KMT2C: variants seen among roughly 807,000 people sequenced by gnomAD.
KMT2C encodes the protein lysine methyltransferase 2C.
In KMT2C, 88 loss-of-function variants were observed where a neutral mutation model predicts 507.9. The ratio of observed to expected loss-of-function variants is 0.17; its 90% CI spans 0.15 to 0.21. The LOEUF (loss-of-function observed/expected upper bound fraction) is 0.21, where lower values mean the gene tolerates loss of function less well. KMT2C is among the 10% of genes least tolerant of loss of function. KMT2C has a pLI of 1.00. For synonymous variants in KMT2C, 2,049 were observed against 2,080.8 expected, an observed-to-expected ratio of 0.98 and a Z score of 0.42; for missense variants, 4,954 against 5,957.8, an observed-to-expected ratio of 0.83 and a Z score of 5.55.
At chr7:152,408,899 T>C (rs1015319211) in intron 1 of KMT2C, among the ~76,000 whole-genome samples, 1 of 152,070 alleles carries the variant, frequency 6.6e-6, no homozygotes, top group Non-Finnish European at 1.5e-5. Context: ...CTAATATGAA[T>C]TTAACTGTGA....
At chr7:152,266,643 T>G (rs546148395) in intron 7 of KMT2C, among the ~76,000 whole-genome samples, 2 of 152,306 alleles carry the variant, frequency 1.3e-5, no homozygotes, top group Non-Finnish European at 2.9e-5. Flanking sequence ...AGTAAAAATA[T>G]ATTTCTTTTA....
At chr7:152,365,268 T>C (rs964489292) in intron 1 of KMT2C, among the ~76,000 whole-genome samples, 3 of 152,206 alleles carry the variant, frequency 2.0e-5, no homozygotes, top group Non-Finnish European at 2.9e-5. Context: ...CCCAGCACTT[T>C]GGGAAGCCGA....
intron 6 of KMT2C, among the ~76,000 whole-genome samples, chr7:152,305,608 G>C (rs985551664): frequency 6.6e-6 from 1 of 151,672 alleles, no homozygotes; most frequent in South Asian, 2.1e-4. Context: ...GTGTTAAGTA[G>C]AGCAGTGACA....
chr7:152,367,295 T>C, intron 1 of KMT2C: 2 of 1,176,124 alleles, frequency 1.7e-6, no homozygotes, highest in Non-Finnish European at 2.5e-6. Flanking sequence ...CTATTCCAAG[T>C]TTCCCAGCTG....
chr7:152,188,475 A>G (rs1183647087), intron 31 of KMT2C, among the ~76,000 whole-genome samples: 1 of 152,090 alleles, frequency 6.6e-6, no homozygotes, highest in African/African-American at 2.4e-5. Context: ...ACACTAATGA[A>G]TCACAGCAAA....
chr7:152,258,394 A>C (rs1270515389), intron 9 of KMT2C, among the ~76,000 whole-genome samples: 2 of 152,238 alleles, frequency 1.3e-5, no homozygotes, highest in African/African-American at 2.4e-5. Flanking sequence ...CTTACAAAAG[A>C]AAGCAGAGGG....
At position 152,363,910 on chromosome 7, in the gene KMT2C, A is replaced by G. The variant is rs148246044; in HGVS notation, c.162-5235T>C. The stretch of plus-strand genomic sequence containing the variant: ...GAAGAACAATTCCCAGAGCTCACAG[A>G]AAGCTGCGAATCAACTGTATTGTCT... On this transcript the variant is annotated intron_variant, in intron 1 of 58. Coordinates refer to ENST00000262189, the MANE Select transcript of KMT2C (RefSeq NM_170606.3). Among the ~76,000 whole-genome samples the G allele has an allele frequency of 2.8e-4, 42 of 152,328 alleles. No homozygotes were observed. The East Asian group carries it at 7.3e-3, about 27-fold the overall frequency.
chr7:152,146,586 C>A lies in KMT2C; in HGVS notation c.14031+13G>T. The A allele has an allele frequency of 1.2e-6, 2 of 1,613,914 alleles. No individual in the cohort carries two copies. Among genetic ancestry groups the A allele is most frequent in the Non-Finnish European group, 1.7e-6 (2 of 1,179,834 alleles). On this transcript the variant is annotated intron_variant, in intron 53 of 58. Coordinates refer to ENST00000262189, the MANE Select transcript of KMT2C (RefSeq NM_170606.3). ...AAGCAATTCCAATCTCAAAGCCTGACCAAGACACTCACTGATTCCGCTATG... is the reference window on the plus strand; with the variant it reads ...AAGCAATTCCAATCTCAAAGCCTGAACAAGACACTCACTGATTCCGCTATG...
Position 152,290,888 on chromosome 7 carries a change from C to A in KMT2C, c.850-17021G>T, listed in dbSNP as rs577222822. Among the ~76,000 whole-genome samples, 379 of 151,950 alleles carry A rather than the reference C, an allele frequency of 2.5e-3. 4 individuals carry two copies. Among genetic ancestry groups the A allele is most frequent in the African/African-American group, 8.5e-3 (354 of 41,514 alleles). Reference sequence around the variant, plus strand: ...TTACAAAAATATTATCCTATATTATCTTTTTAAATATAAATAAAAATAATT... The same window carrying A: ...TTACAAAAATATTATCCTATATTATATTTTTAAATATAAATAAAAATAATT... On this transcript the variant is annotated intron_variant, in intron 6 of 58. Coordinates refer to ENST00000262189, the MANE Select transcript of KMT2C (RefSeq NM_170606.3).
intron 14 of KMT2C, among the ~76,000 whole-genome samples, chr7:152,245,708 C>T (rs2095461399): frequency 6.6e-6 from 1 of 152,078 alleles, no homozygotes; most frequent in African/African-American, 2.4e-5. Flanking sequence ...CCTAGAAAAG[C>T]TCATATAATA....
intron 1 of KMT2C, among the ~76,000 whole-genome samples, chr7:152,391,134 A>G (rs1162110119): frequency 4.0e-5 from 3 of 75,464 alleles, no homozygotes; most frequent in African/African-American, 5.5e-5. Flanking sequence ...ACAGAGTGAG[A>G]CTGTCTCCAA....
chr7:152,367,908 G>A, intron 1 of KMT2C: 1 of 1,043,716 alleles, frequency 9.6e-7, no homozygotes, highest in Non-Finnish European at 1.5e-6. Flanking sequence ...GCATGAAAAA[G>A]TGATTATCAT....
chr7:152,244,049 G>C (rs2095429949), intron 14 of KMT2C, among the ~76,000 whole-genome samples: 1 of 152,182 alleles, frequency 6.6e-6, no homozygotes, highest in Non-Finnish European at 1.5e-5. Context: ...TGCAATGAGA[G>C]AAATGGACTG....
rs141249432 is a variant in KMT2C, at chr7:152,284,259, A to T, written c.850-10392T>A. On this transcript the variant is annotated intron_variant, in intron 6 of 58. Coordinates refer to ENST00000262189, the MANE Select transcript of KMT2C (RefSeq NM_170606.3). ...ATGTTTGGTTTTGGTAAAAGGAGAGACAAATAAGTCAGAAAAACAGAAAAT... is the reference window on the plus strand; with the variant it reads ...ATGTTTGGTTTTGGTAAAAGGAGAGTCAAATAAGTCAGAAAAACAGAAAAT... Among the ~76,000 whole-genome samples the T allele has an allele frequency of 4.4e-3, 663 of 152,224 alleles. 2 individuals are homozygous for T. Among genetic ancestry groups the T allele is most frequent in the African/African-American group, 0.015 (633 of 41,578 alleles).
chr7:152,253,593 C>T lies in KMT2C; in HGVS notation c.1300-878G>A, dbSNP rs1437669106. ...CCTGTAGTCCCTGCTACTTGGGAAGCTGAGGCAGGAGAATTGCTTGAGCCT... is the reference window on the plus strand; with the variant it reads ...CCTGTAGTCCCTGCTACTTGGGAAGTTGAGGCAGGAGAATTGCTTGAGCCT... On this transcript the variant is annotated intron_variant, in intron 9 of 58. Coordinates refer to ENST00000262189, the MANE Select transcript of KMT2C (RefSeq NM_170606.3). 2.0e-5 allele frequency among the ~76,000 whole-genome samples: 3 copies of T among 148,672 alleles called. No homozygotes were observed. In the East Asian group the frequency reaches 5.9e-4, roughly 29 times the overall value.
chr7:152,318,099 C>A (rs1450522634), intron 3 of KMT2C, among the ~76,000 whole-genome samples: 1 of 152,026 alleles, frequency 6.6e-6, no homozygotes, highest in African/African-American at 2.4e-5. Context: ...GATCGTGCCA[C>A]TGCACTCCAG....
At chr7:152,351,678 C>A (rs1018381376) in intron 2 of KMT2C, among the ~76,000 whole-genome samples, 1 of 152,126 alleles carries the variant, frequency 6.6e-6, no homozygotes, top group Non-Finnish European at 1.5e-5. Flanking sequence ...TTTATTAGAG[C>A]CCCAAAATAA....
intron 1 of KMT2C, among the ~76,000 whole-genome samples, chr7:152,365,517 CAA>C (rs2097235449): frequency 3.9e-5 from 6 of 152,118 alleles, no homozygotes; most frequent in African/African-American, 1.4e-4. Flanking sequence ...AACAAACAAA[CAA>C]ACAAACAAAC....
chr7:152,297,393 G>A (rs978127278), intron 6 of KMT2C, among the ~76,000 whole-genome samples: 1 of 152,182 alleles, frequency 6.6e-6, no homozygotes, highest in African/African-American at 2.4e-5. Flanking sequence ...GAGGTCTATA[G>A]AGATCTTCTC....
Sources: gnomAD v4.1 joint callset for allele counts (sites outside exome capture counted in the v4.1 genomes callset) on GRCh38, gnomAD v4.1.1 for gene constraint, MANE v1.5 for transcripts, NCBI Gene and HGNC (gene_info 2026-07-23, HGNC 2026-07-21) for gene names.